Variants in PCDH15 observed in about 807,000 individuals in gnomAD.
PCDH15 encodes the protein protocadherin related 15, also known as protocadherin-15.
In PCDH15, 129 loss-of-function variants were observed where a neutral mutation model predicts 178.5. The observed-to-expected ratio is 0.72, with a 90% confidence interval of 0.63 to 0.84. The LOEUF is 0.84. PCDH15 is among the 40% of genes least tolerant of loss of function. The pLI is 0.00. For synonymous variants in PCDH15, 800 were observed against 732.0 expected (o/e 1.09, Z -1.50); for missense variants, 2,230 against 2,099.9 (o/e 1.06, Z -1.21).
At chr10:54,714,413 T>G (rs1331634039) in intron 1 of PCDH15, among the ~76,000 whole-genome samples, 1 of 152,192 alleles carries the variant, frequency 6.6e-6, no homozygotes, top group Non-Finnish European at 1.5e-5. Context: ...GGTTCATACA[T>G]GTAAACTTCA....
At chr10:54,966,978 T>TA (rs1260069129) in intron 2 of PCDH15, among the ~76,000 whole-genome samples, 1 of 152,042 alleles carries the variant, frequency 6.6e-6, no homozygotes, top group Non-Finnish European at 1.5e-5. Context: ...CTATGAAAGA[T>TA]AAAAAATGGT....
Position 54,736,379 on chromosome 10 carries a change from ATTTC to A in PCDH15, c.-29+64542_-29+64545del, listed in dbSNP as rs576161397. Among the ~76,000 whole-genome samples, 551 of 152,122 alleles carry A rather than the reference ATTTC, an allele frequency of 3.6e-3. 1 individual carries two copies. The highest frequency in any genetic ancestry group is 0.012 in the African/African-American group (482 of 41,540). On this transcript the variant is annotated intron_variant, in intron 1 of 37. Transcript: ENST00000644397. ...AGCTTTTGGAAGATGATTTCAACATATTTCTTTCTCTCTCACCCACCCCATCCCC... is the reference window on the plus strand; with the variant it reads ...AGCTTTTGGAAGATGATTTCAACATATTTCTCTCTCACCCACCCCATCCCC...
chr10:54,565,518 C>G (rs2088898803), intron 2 of PCDH15, among the ~76,000 whole-genome samples: 1 of 152,098 alleles, frequency 6.6e-6, no homozygotes, highest in South Asian at 2.1e-4. Context: ...AACTAGATAT[C>G]AACAGGGCTG....
At chr10:54,140,888 T>G (rs2043346257) in intron 14 of PCDH15, among the ~76,000 whole-genome samples, 1 of 152,116 alleles carries the variant, frequency 6.6e-6, no homozygotes, top group Non-Finnish European at 1.5e-5. Flanking sequence ...TTCACCATGT[T>G]GGCCATGATA....
At chr10:54,068,223 A>C (rs1002785410) in intron 17 of PCDH15, among the ~76,000 whole-genome samples, 1 of 152,234 alleles carries the variant, frequency 6.6e-6, no homozygotes, top group African/African-American at 2.4e-5. Flanking sequence ...AAATTTTTTC[A>C]TGCACAGTGT....
At chr10:54,672,964 G>C (rs1367454105) in intron 1 of PCDH15, among the ~76,000 whole-genome samples, 1 of 151,984 alleles carries the variant, frequency 6.6e-6, no homozygotes, top group African/African-American at 2.4e-5. Context: ...TTTAAAAAAT[G>C]ACTTCACATG....
intron 2 of PCDH15, among the ~76,000 whole-genome samples, chr10:55,566,802 A>G (rs1003750573): frequency 1.3e-5 from 2 of 151,922 alleles, no homozygotes; most frequent in Non-Finnish European, 2.9e-5. Flanking sequence ...ATGGAAAGGC[A>G]TCTCATATTC....
chr10:55,259,016 C>T (rs1842082055), intron 1 of PCDH15, among the ~76,000 whole-genome samples: 1 of 152,100 alleles, frequency 6.6e-6, no homozygotes, highest in African/African-American at 2.4e-5. Flanking sequence ...ATATAAATCC[C>T]CAATTTCAAT....
chr10:54,391,991 T>A (rs115432087), intron 3 of PCDH15, among the ~76,000 whole-genome samples: 3,487 of 152,264 alleles, frequency 0.023, 116 homozygotes, highest in African/African-American at 0.076. Flanking sequence ...TGCCATATAG[T>A]GTGAGGCATA....
intron 28 of PCDH15, among the ~76,000 whole-genome samples, chr10:53,856,847 T>C (rs2078780288): frequency 6.6e-6 from 1 of 152,138 alleles, no homozygotes; most frequent in African/African-American, 2.4e-5. Context: ...CAGATTAAAA[T>C]TGTGGTTGTT....
chr10:53,978,848 G>A (rs2090402369), intron 21 of PCDH15, among the ~76,000 whole-genome samples: 1 of 152,132 alleles, frequency 6.6e-6, no homozygotes, highest in Non-Finnish European at 1.5e-5. Flanking sequence ...CATAGCAAGT[G>A]TGACCTTTAC....
intron 15 of PCDH15, among the ~76,000 whole-genome samples, chr10:54,130,251 C>A (rs77392974): frequency 0.011 from 1,710 of 152,166 alleles, 34 homozygotes; most frequent in African/African-American, 0.039. Flanking sequence ...AAGTGAAAGG[C>A]ACTGATTTGT....
chr10:54,862,878 C>G (rs1017975441), intron 3 of PCDH15, among the ~76,000 whole-genome samples: 8 of 152,116 alleles, frequency 5.3e-5, no homozygotes, highest in African/African-American at 1.4e-4. Flanking sequence ...AACCTCTTTT[C>G]TTTATACATT....
rs562810871 is a variant in PCDH15 at position 55,234,542 on chromosome 10, G to A, written c.-155-67891C>T. On this transcript the variant is annotated intron_variant, in intron 1 of 5. Transcript: ENST00000458638. The stretch of plus-strand genomic sequence containing the variant: ...CCTCAGCCTCCCAACTAATTTTTTT[G>A]GTTGGGTGGATTTCTTTTTGTAGAA... 1.1e-3 allele frequency among the ~76,000 whole-genome samples: 162 copies of A among 151,438 alleles called. 1 individual carries two copies. The highest frequency in any genetic ancestry group is 2.1e-3 in the Non-Finnish European group (141 of 67,840).
chr10:54,623,048 C>A lies in PCDH15; in HGVS notation c.91+41124G>T, dbSNP rs570240664. On this transcript the variant is annotated intron_variant, in intron 2 of 37. Coordinates refer to ENST00000644397, the MANE Select transcript of PCDH15 (RefSeq NM_001384140.1). Reference sequence around the variant, plus strand: ...GATTCCCACTACTTCCATATAAAGTCCAATCCAATCAACTTAATTATTCAC... The same window carrying A: ...GATTCCCACTACTTCCATATAAAGTACAATCCAATCAACTTAATTATTCAC... Among the ~76,000 whole-genome samples, 24 of 151,850 alleles carry A rather than the reference C, an allele frequency of 1.6e-4. No homozygotes were observed. The South Asian group carries it at 4.8e-3, about 30-fold the overall frequency.
chr10:55,235,248 A>C (rs1229031226), intron 1 of PCDH15, among the ~76,000 whole-genome samples: 1 of 152,110 alleles, frequency 6.6e-6, no homozygotes, highest in Non-Finnish European at 1.5e-5. Flanking sequence ...GGATAAATTT[A>C]TGTTACCAGT....
chr10:54,307,546 T>G lies in PCDH15; in HGVS notation c.876+9725A>C, dbSNP rs570284440. Among the ~76,000 whole-genome samples the G allele has an allele frequency of 6.6e-5, 10 of 152,000 alleles. 1 individual carries two copies. Among genetic ancestry groups the G allele is most frequent in the Middle Eastern group, 6.8e-3 (2 of 292 alleles). ...GCAAGATACCTCCCCGTCTGACATTTAAAATTTGATTCACTGATATATTTT... is the reference window on the plus strand; with the variant it reads ...GCAAGATACCTCCCCGTCTGACATTGAAAATTTGATTCACTGATATATTTT... On this transcript the variant is annotated intron_variant, in intron 8 of 37. Coordinates refer to ENST00000644397, the MANE Select transcript of PCDH15 (RefSeq NM_001384140.1).
chr10:54,078,961 A>C (rs1163898486), intron 17 of PCDH15, among the ~76,000 whole-genome samples: 1 of 152,142 alleles, frequency 6.6e-6, no homozygotes, highest in Non-Finnish European at 1.5e-5. Flanking sequence ...CCTGACCCTT[A>C]AAAAAATGAC....
chr10:55,364,599 T>C (rs138993703), intron 2 of PCDH15, among the ~76,000 whole-genome samples: 44 of 152,278 alleles, frequency 2.9e-4, no homozygotes, highest in African/African-American at 1.0e-3. Flanking sequence ...CACATGGCTA[T>C]ATTATTTTGT....
Sources: allele counts gnomAD v4.1 joint callset (sites outside exome capture counted in the v4.1 genomes callset), GRCh38; gene constraint gnomAD v4.1.1; transcripts MANE v1.5; gene names NCBI Gene and HGNC (gene_info 2026-07-23, HGNC 2026-07-21).